Variants in RMST observed in about 807,000 individuals in gnomAD.
The protein encoded by RMST is long intergenic non-protein coding RNA 54.
At chr12:97,551,250 C>G (rs17334543) in intron 11 of RMST, among the ~76,000 whole-genome samples, 4,612 of 149,724 alleles carry the variant, frequency 0.031, 130 homozygotes, top group East Asian at 0.055. Flanking sequence ...ATTGAATAAC[C>G]AAGCCCTGCC....
chr12:97,553,226 C>T (rs1382639458), intron 11 of RMST, among the ~76,000 whole-genome samples: 1 of 145,622 alleles, frequency 6.9e-6, no homozygotes, highest in East Asian at 2.5e-4. Context: ...GTGATAATAA[C>T]AAAATAGCGA....
chr12:97,550,017 G>A lies in RMST; in HGVS notation n.1546-10520G>A, dbSNP rs558996707. Among the ~76,000 whole-genome samples the A allele has an allele frequency of 9.2e-5, 14 of 152,292 alleles. No individual in the cohort carries two copies. In the East Asian group the frequency reaches 2.7e-3, roughly 29 times the overall value. On this transcript the variant is annotated intron_variant and non_coding_transcript_variant, in intron 11 of 13. Coordinates refer to ENST00000640149, the Ensembl canonical transcript of RMST. The stretch of plus-strand genomic sequence containing the variant: ...GGCCACAACATACAATGTTTGTTAA[G>A]TAATTAGTATCAATCAAAAGTTTAA...
At chr12:97,551,626 T>G (rs1883319519) in intron 11 of RMST, among the ~76,000 whole-genome samples, 1 of 152,210 alleles carries the variant, frequency 6.6e-6, no homozygotes. Context: ...CATAACTTTC[T>G]TTTGGGGATA....
chr12:97,490,783 T>A (rs1434383235), intron 5 of RMST, among the ~76,000 whole-genome samples: 2 of 152,186 alleles, frequency 1.3e-5, no homozygotes, highest in Non-Finnish European at 2.9e-5. Flanking sequence ...AATGGTAATT[T>A]AAAAAACTAA....
chr12:97,542,078 T>C (rs182004847), intron 11 of RMST, among the ~76,000 whole-genome samples: 2 of 152,046 alleles, frequency 1.3e-5, no homozygotes, highest in African/African-American at 4.8e-5. Context: ...TTATTCCTTT[T>C]TGCACTGGGT....
intron 5 of RMST, among the ~76,000 whole-genome samples, chr12:97,465,894 T>C (rs1414451387): frequency 6.6e-6 from 1 of 152,230 alleles, no homozygotes; most frequent in Non-Finnish European, 1.5e-5. Context: ...TTAGTCATTT[T>C]CTGAAGATTG....
At chr12:97,560,234 TAGAAG>T (rs1319811384) in intron 11 of RMST, among the ~76,000 whole-genome samples, 1 of 152,142 alleles carries the variant, frequency 6.6e-6, no homozygotes, top group African/African-American at 2.4e-5. Context: ...CGTTCATAAT[TAGAAG>T]AGAAAAGGAC....
chr12:97,469,795 G>A (rs148656209), intron 5 of RMST, among the ~76,000 whole-genome samples: 142 of 152,188 alleles, frequency 9.3e-4, no homozygotes, highest in Middle Eastern at 3.4e-3. Context: ...TATTGCCCAA[G>A]TCAACGTCCT....
At chr12:97,511,003 T>TA (rs143804408) in intron 10 of RMST, among the ~76,000 whole-genome samples, 2,887 of 152,286 alleles carry the variant, frequency 0.019, 91 homozygotes, top group African/African-American at 0.066. Flanking sequence ...CAGCCACAGT[T>TA]ACGAAAATCC....
rs569105674 is a variant in RMST, at chr12:97,482,043, C to T, written n.645-10418C>T. 4.6e-5 allele frequency among the ~76,000 whole-genome samples: 7 copies of T among 152,286 alleles called. No individual in the cohort carries two copies. The South Asian group carries it at 1.4e-3, about 32-fold the overall frequency. On this transcript the variant is annotated intron_variant and non_coding_transcript_variant, in intron 5 of 13. Transcript: ENST00000640149. ...TTTTACAACACTGTTTATTCACTGTCTCTTTTTGTTCCTCCTAATATCAGA... is the reference window on the plus strand; with the variant it reads ...TTTTACAACACTGTTTATTCACTGTTTCTTTTTGTTCCTCCTAATATCAGA...
At chr12:97,496,009 A>C (rs1877371333) in exon 10 of RMST, 1 of 152,176 alleles carries the variant, frequency 6.6e-6, no homozygotes, top group Admixed American at 6.5e-5. Flanking sequence ...ATTTAAGCTG[A>C]CTAACATTTT....
chr12:97,551,598 G>A (rs762989982), intron 11 of RMST, among the ~76,000 whole-genome samples: 10 of 152,112 alleles, frequency 6.6e-5, no homozygotes, highest in Non-Finnish European at 1.0e-4. Flanking sequence ...AGAAGTGTAC[G>A]TTAATTTCAT....
intron 10 of RMST, among the ~76,000 whole-genome samples, chr12:97,508,697 T>G (rs1592704500): frequency 6.6e-6 from 1 of 152,316 alleles, no homozygotes; most frequent in Non-Finnish European, 1.5e-5. Flanking sequence ...TTGATTTCTT[T>G]TTTAGCATCA....
intron 5 of RMST, among the ~76,000 whole-genome samples, chr12:97,472,257 T>C (rs1874009211): frequency 6.6e-6 from 1 of 152,090 alleles, no homozygotes; most frequent in Non-Finnish European, 1.5e-5. Flanking sequence ...TTTCAAGTGG[T>C]GAGGAAGTCA....
At chr12:97,541,096 A>C (rs1445967324) in intron 11 of RMST, 1 of 151,646 alleles carries the variant, frequency 6.6e-6, no homozygotes, top group Non-Finnish European at 1.5e-5. Context: ...CTGGAAGTAT[A>C]TAGTACATAC....
chr12:97,524,076 A>AG (rs1555232791), intron 10 of RMST, among the ~76,000 whole-genome samples: 1,149 of 23,140 alleles, frequency 0.05, 207 homozygotes, highest in Middle Eastern at 0.12. Context: ...ACTCTGTCTC[A>AG]AAAAAAAAAA....
intron 11 of RMST, among the ~76,000 whole-genome samples, chr12:97,548,797 G>A (rs978605155): frequency 6.6e-6 from 1 of 151,752 alleles, no homozygotes; most frequent in Non-Finnish European, 1.5e-5. Context: ...CTGTAAACAG[G>A]GACAATTTAA....
intron 11 of RMST, among the ~76,000 whole-genome samples, chr12:97,557,219 T>G (rs566899619): frequency 6.6e-6 from 1 of 152,328 alleles, no homozygotes; most frequent in East Asian, 1.9e-4. Flanking sequence ...ATTTACTTGA[T>G]ATTTGCAATG....
intron 10 of RMST, among the ~76,000 whole-genome samples, chr12:97,529,587 C>T (rs530519590): frequency 3.5e-3 from 169 of 48,164 alleles, no homozygotes; most frequent in Non-Finnish European, 6.7e-3. Flanking sequence ...AATTCTGCTG[C>T]GCAAACTTTA....
Sources: allele counts gnomAD v4.1 joint callset (sites outside exome capture counted in the v4.1 genomes callset), GRCh38; gene constraint gnomAD v4.1.1; transcripts MANE v1.5; gene names NCBI Gene and HGNC (gene_info 2026-07-23, HGNC 2026-07-21).